Variants in SLMAP observed in about 807,000 individuals in gnomAD.
The protein encoded by SLMAP is sarcolemma associated protein.
Under a neutral mutation model 128.8 loss-of-function variants are expected in SLMAP, and 44 were observed. The observed-to-expected ratio is 0.34, with a 90% CI of 0.27 to 0.44. The LOEUF is 0.44. Among genes scored for constraint, SLMAP ranks in the 20% least tolerant of loss-of-function variants. SLMAP has a pLI of 1.00. For synonymous variants in SLMAP, 327 were observed against 348.8 expected, an observed-to-expected ratio of 0.94 and a Z score of 0.70; for missense variants, 787 against 985.3, an observed-to-expected ratio of 0.80 and a Z score of 2.69.
intron 17 of SLMAP, among the ~76,000 whole-genome samples, chr3:57,907,193 A>G (rs937666590): frequency 1.3e-5 from 2 of 151,268 alleles, no homozygotes; most frequent in Admixed American, 6.6e-5. Flanking sequence ...ACGCCTGGCT[A>G]ATTTTTTGTG....
At chr3:57,908,030 C>G in intron 18 of SLMAP, 24 bp downstream of exon 18, 1 of 1,611,148 alleles carries the variant, frequency 6.2e-7, no homozygotes, top group Admixed American at 1.7e-5. Flanking sequence ...TACTTTGGTT[C>G]TTTAGGGATG....
At position 57,858,309 on chromosome 3, in the gene SLMAP, TGTAAATAAAAA is replaced by T. The variant is rs1189974913; in HGVS notation, c.687+151_687+161del. 1.0e-5 allele frequency: 6 copies of T among 591,084 alleles called. No homozygotes were observed. The Admixed American group carries it at 1.8e-4, about 18-fold the overall frequency. The allele number at this position is 591,084 out of a possible 1,614,324, so 36.6% of individuals were successfully genotyped here. A position where few individuals can be genotyped will look rare whatever the true frequency, so the allele number is the denominator to read the frequency against. ...TGTGCTGAGAAACGTCAGACATCCA[TGTAAATAAAAA>T]TAATTACATAATGAATACCCATGTA... On this transcript the variant is annotated intron_variant, in intron 8 of 24. Transcript: ENST00000671191.
chr3:57,807,603 C>T (rs923295878), intron 2 of SLMAP, among the ~76,000 whole-genome samples: 6 of 152,150 alleles, frequency 3.9e-5, no homozygotes, highest in African/African-American at 1.4e-4. Context: ...TATTGATTTG[C>T]ATATGTTGAA....
At chr3:57,806,924 C>T (rs2090001900) in intron 2 of SLMAP, among the ~76,000 whole-genome samples, 1 of 152,152 alleles carries the variant, frequency 6.6e-6, no homozygotes, top group Non-Finnish European at 1.5e-5. Context: ...GGTTATAGAT[C>T]CTTGAAGAAT....
rs1170503576 is a variant in SLMAP at position 57,896,490 on chromosome 3, C to G, written c.1361-21C>G. On this transcript the variant is annotated intron_variant, in intron 15 of 24. Transcript: ENST00000671191. ...GATATTTAACTGTAATAAGATTTTA[C>G]TTTTATTTTTTTCTTGGTAGAAAAT... 8 of 1,579,286 alleles carry G rather than the reference C, an allele frequency of 5.1e-6. No individual in the cohort carries two copies. In the East Asian group the frequency reaches 1.1e-4, roughly 22 times the overall value.
chr3:57,783,953 G>C (rs1315223386), intron 2 of SLMAP, among the ~76,000 whole-genome samples: 1 of 152,090 alleles, frequency 6.6e-6, no homozygotes, highest in Non-Finnish European at 1.5e-5. Flanking sequence ...AGGTGTTGCT[G>C]AACCTGCTGC....
In SLMAP at chr3:57,801,642, T is replaced by TG. The variant is rs1404906793; in HGVS notation, c.199-29740dup. Among the ~76,000 whole-genome samples, 6 of 107,082 alleles carry TG rather than the reference T, an allele frequency of 5.6e-5. 1 individual carries two copies. The East Asian group carries it at 1.3e-3, about 23-fold the overall frequency. The allele number at this position is 107,082 out of a possible 152,430, so 70.2% of individuals were successfully genotyped here. The stretch of plus-strand genomic sequence containing the variant: ...ATTGTTGAATATGTACTGTTTTTCC[T>TG]GTTTTTTTTTTTTTAACTATTATAA... On this transcript the variant is annotated intron_variant, in intron 2 of 24. Transcript: ENST00000671191.
intron 2 of SLMAP, among the ~76,000 whole-genome samples, 191 bp from the exon 3 acceptor site, chr3:57,831,192 A>T (rs1211858675): frequency 6.6e-6 from 1 of 152,194 alleles, no homozygotes; most frequent in African/African-American, 2.4e-5. Context: ...CTGAATTTTA[A>T]ATCACCTAGT....
At chr3:57,870,710 A>T (rs1394895155) in intron 13 of SLMAP, among the ~76,000 whole-genome samples, 2 of 152,174 alleles carry the variant, frequency 1.3e-5, no homozygotes, top group Non-Finnish European at 2.9e-5. Context: ...GAGGGGAAGG[A>T]GGTTTTTATA....
At chr3:57,876,622 GTTAC>G (rs2095609336) in intron 14 of SLMAP, among the ~76,000 whole-genome samples, 1 of 152,174 alleles carries the variant, frequency 6.6e-6, no homozygotes, top group Admixed American at 6.5e-5. Context: ...GCAAATTTTA[GTTAC>G]TTAAAGTTTA....
chr3:57,819,877 A>G (rs2092341868), intron 2 of SLMAP, among the ~76,000 whole-genome samples: 1 of 152,010 alleles, frequency 6.6e-6, no homozygotes, highest in Non-Finnish European at 1.5e-5. Flanking sequence ...CTCAGACTCC[A>G]AGTAGGTGGG....
At chr3:57,915,768 T>C (rs2153696441) in intron 21 of SLMAP, among the ~76,000 whole-genome samples, 1 of 152,336 alleles carries the variant, frequency 6.6e-6, no homozygotes, top group Middle Eastern at 3.4e-3. Context: ...TTGTCTGGGC[T>C]ACGGAAGAAG....
At chr3:57,922,028 T>C (rs1040264137) in intron 22 of SLMAP, among the ~76,000 whole-genome samples, 10 of 152,250 alleles carry the variant, frequency 6.6e-5, no homozygotes, top group African/African-American at 2.2e-4. Context: ...AGTGGAGAAA[T>C]AGAAATTTCC....
chr3:57,765,187 C>T (rs1378662758), intron 2 of SLMAP, among the ~76,000 whole-genome samples: 2 of 152,060 alleles, frequency 1.3e-5, no homozygotes, highest in Admixed American at 6.5e-5. Flanking sequence ...TGTGAAAATC[C>T]ACTGCACTGC....
chr3:57,811,685 C>A (rs1261947725), intron 2 of SLMAP, among the ~76,000 whole-genome samples: 2 of 152,140 alleles, frequency 1.3e-5, no homozygotes. Flanking sequence ...AGTAGCTGTA[C>A]CATTTTACAT....
At chr3:57,919,930 G>A (rs368961603) in intron 22 of SLMAP, among the ~76,000 whole-genome samples, 3 of 152,272 alleles carry the variant, frequency 2.0e-5, no homozygotes, top group East Asian at 3.9e-4. Context: ...CTGGAGGTAA[G>A]CAACAGGATC....
Position 57,781,042 on chromosome 3 carries a change from G to A in SLMAP, c.198+23193G>A, listed in dbSNP as rs143874067. Among the ~76,000 whole-genome samples the A allele has an allele frequency of 2.3e-3, 347 of 150,828 alleles. 1 individual carries two copies. The highest frequency in any genetic ancestry group is 3.8e-3 in the Non-Finnish European group (254 of 67,730). Reference sequence around the variant, plus strand: ...TATATATACACACACATATATATGCGCATATATATAAAATAATAAGATACA... The same window carrying A: ...TATATATACACACACATATATATGCACATATATATAAAATAATAAGATACA... On this transcript the variant is annotated intron_variant, in intron 2 of 24. Coordinates refer to ENST00000671191, the MANE Select transcript of SLMAP (RefSeq NM_001377540.1).
At chr3:57,775,333 C>T (rs1201975217) in intron 2 of SLMAP, among the ~76,000 whole-genome samples, 6 of 151,898 alleles carry the variant, frequency 4.0e-5, no homozygotes, top group African/African-American at 1.4e-4. Context: ...TGGGCCACCG[C>T]GCCCGGCGAA....
In SLMAP at chr3:57,928,324, T is replaced by C. The variant is rs184092746; in HGVS notation, c.*1035T>C. ...TTTAATTGAAGAAAGTATTAATATC[T>C]CTTTAGATAAGCTTGTATTGACCTA... On this transcript the variant is annotated 3_prime_UTR_variant, in exon 25 of 25. Transcript: ENST00000671191. 17 of 152,332 alleles carry C rather than the reference T, an allele frequency of 1.1e-4. No homozygotes were observed. The East Asian group carries it at 3.3e-3, about 29-fold the overall frequency. 9.4% of individuals were successfully genotyped at this position (152,332 alleles called of 1,614,324 possible). A position where few individuals can be genotyped will look rare whatever the true frequency, so the allele number is the denominator to read the frequency against.
Sources: allele counts gnomAD v4.1 joint callset (sites outside exome capture counted in the v4.1 genomes callset), GRCh38; gene constraint gnomAD v4.1.1; transcripts MANE v1.5; gene names NCBI Gene and HGNC (gene_info 2026-07-23, HGNC 2026-07-21).